The following CHD7 variants were observed in gnomAD, a reference collection of about 807,000 sequenced individuals.
The protein encoded by CHD7 is chromodomain helicase DNA binding protein 7, also known as ATP-dependent chromatin remodeler CHD7.
CHD7 carries 24 observed loss-of-function variants against 307.3 expected under a neutral mutation model. That is an observed-to-expected ratio of 0.08 (90% CI 0.06 to 0.11). The LOEUF (loss-of-function observed/expected upper bound fraction) is 0.11, where lower values mean the gene tolerates loss of function less well. Among genes scored for constraint, CHD7 ranks in the 10% least tolerant of loss-of-function variants. CHD7 has a pLI of 1.00. For synonymous variants in CHD7, 1,363 were observed against 1,349.9 expected, an observed-to-expected ratio of 1.01 and a Z score of -0.21; for missense variants, 3,106 against 3,727.1, an observed-to-expected ratio of 0.83 and a Z score of 4.34.
At chr8:60,835,355 A>G (rs937119321) in intron 15 of CHD7, among the ~76,000 whole-genome samples, 8 of 152,224 alleles carry the variant, frequency 5.3e-5, no homozygotes, top group African/African-American at 1.9e-4. Flanking sequence ...GGGTTTAAGC[A>G]TAGAAGTCTT....
chr8:60,812,049 C>A (rs1812834331), intron 7 of CHD7, among the ~76,000 whole-genome samples: 1 of 152,078 alleles, frequency 6.6e-6, no homozygotes, highest in African/African-American at 2.4e-5. Flanking sequence ...GATATTAGTT[C>A]TTTATCTTGG....
In CHD7 at chr8:60,789,311, C is replaced by G. The variant is rs539748557; in HGVS notation, c.2097-5675C>G. Among the ~76,000 whole-genome samples, 3 of 152,352 alleles carry G rather than the reference C, an allele frequency of 2.0e-5. No individual in the cohort carries two copies. The South Asian group carries it at 6.2e-4, about 32-fold the overall frequency. On this transcript the variant is annotated intron_variant, in intron 3 of 37. Transcript: ENST00000423902. ...TCATTTCTTTATTCAGAAGTCTTTT[C>G]AGGATATAAAGTGTAAGAATATGCT...
intron 3 of CHD7, 71 bp downstream of exon 3, chr8:60,781,501 C>A: frequency 6.9e-7 from 1 of 1,452,808 alleles, no homozygotes; most frequent in Non-Finnish European, 9.1e-7. Flanking sequence ...TAGTTACAGC[C>A]TATGAAATGA....
At position 60,769,696 on chromosome 8, in the gene CHD7, C is replaced by T. The variant is rs536845080; in HGVS notation, c.1666-11304C>T. Among the ~76,000 whole-genome samples, 3 of 152,192 alleles carry T rather than the reference C, an allele frequency of 2.0e-5. No individual in the cohort carries two copies. The South Asian group carries it at 6.2e-4, about 32-fold the overall frequency. On this transcript the variant is annotated intron_variant, in intron 2 of 37. Transcript: ENST00000423902. ...TTTTAACTACATTTAATTGACGGAACGATGGTGAATTTTTACTAGTCTCTT... is the reference window on the plus strand; with the variant it reads ...TTTTAACTACATTTAATTGACGGAATGATGGTGAATTTTTACTAGTCTCTT...
At chr8:60,790,256 A>G (rs544693393) in intron 3 of CHD7, among the ~76,000 whole-genome samples, 8 of 152,020 alleles carry the variant, frequency 5.3e-5, no homozygotes, top group African/African-American at 1.9e-4. Flanking sequence ...GTGTCTCTTT[A>G]GCCTCACAAG....
At position 60,736,693 on chromosome 8, in the gene CHD7, A is replaced by G. The variant is rs143736282; in HGVS notation, c.-174-4566A>G. Among the ~76,000 whole-genome samples the G allele has an allele frequency of 2.6e-4, 39 of 152,332 alleles. No homozygotes were observed. In the East Asian group the frequency reaches 3.9e-3, roughly 15 times the overall value. On this transcript the variant is annotated intron_variant, in intron 1 of 37. Coordinates refer to ENST00000423902, the MANE Select transcript of CHD7 (RefSeq NM_017780.4). ...TCAGTATCCAATAGGCAAATGTCCT[A>G]TGATTTCACTCTTGCCCACGTGTTG...
At position 60,838,394 on chromosome 8, in the gene CHD7, C is replaced by T. The variant is rs1804832224; in HGVS notation, c.4533+139C>T. The T allele has an allele frequency of 1.3e-5, 10 of 758,530 alleles. No homozygotes were observed. The South Asian group carries it at 1.5e-4, about 11-fold the overall frequency. The allele number at this position is 758,530 out of a possible 1,614,324, so 47.0% of individuals were successfully genotyped here. A position where few individuals can be genotyped will look rare whatever the true frequency, so the allele number is the denominator to read the frequency against. The stretch of plus-strand genomic sequence containing the variant: ...TTAACTCCCTGTGGAACCCCTGGCA[C>T]ATGAAGCTTTCTTTATGCTTTGGTT... On this transcript the variant is annotated intron_variant, in intron 19 of 37. Transcript: ENST00000423902.
chr8:60,812,447 G>A (rs1012761184), intron 7 of CHD7, among the ~76,000 whole-genome samples: 5 of 151,724 alleles, frequency 3.3e-5, no homozygotes, highest in Non-Finnish European at 5.9e-5. Flanking sequence ...GGCTGATCAC[G>A]AGGTCAGGAG....
chr8:60,809,982 CCCTCTT>C (rs1812721535), intron 7 of CHD7, among the ~76,000 whole-genome samples: 1 of 152,136 alleles, frequency 6.6e-6, no homozygotes, highest in Non-Finnish European at 1.5e-5. Flanking sequence ...AAGAGCTTTA[CCCTCTT>C]GTCTATTTGT....
At chr8:60,722,182 G>A (rs928470953) in intron 1 of CHD7, among the ~76,000 whole-genome samples, 1 of 152,134 alleles carries the variant, frequency 6.6e-6, no homozygotes, top group East Asian at 1.9e-4. Flanking sequence ...TAAAAGCCAG[G>A]CAGTTTAGCT....
intron 15 of CHD7, among the ~76,000 whole-genome samples, chr8:60,835,745 G>A (rs1455170858): frequency 6.6e-6 from 1 of 152,158 alleles, no homozygotes; most frequent in African/African-American, 2.4e-5. Flanking sequence ...TTTTCTGTAG[G>A]TATCTGGCCC....
chr8:60,780,559 CAGT>C (rs888858986), intron 2 of CHD7, among the ~76,000 whole-genome samples: 1 of 152,208 alleles, frequency 6.6e-6, no homozygotes, highest in African/African-American at 2.4e-5. Context: ...TTGCAATGTT[CAGT>C]ATACTTGCTC....
chr8:60,706,370 T>A (rs1171458891), intron 1 of CHD7, among the ~76,000 whole-genome samples: 1 of 152,230 alleles, frequency 6.6e-6, no homozygotes, highest in Non-Finnish European at 1.5e-5. Context: ...GTTGATAAAA[T>A]AGCGAGTTTT....
intron 5 of CHD7, among the ~76,000 whole-genome samples, chr8:60,800,848 G>A (rs1812276881): frequency 6.6e-6 from 1 of 152,048 alleles, no homozygotes; most frequent in African/African-American, 2.4e-5. Flanking sequence ...GTGGCTTCTG[G>A]GACTTTAATA....
At position 60,856,558 on chromosome 8, in the gene CHD7, G is replaced by T; in HGVS notation, c.7278G>T (p.Gln2426His). The T allele has an allele frequency of 1.2e-6, 2 of 1,614,028 alleles. No individual in the cohort carries two copies. The stretch of plus-strand genomic sequence containing the variant: ...GAAATCTCATGGAGATGGTTGCCCA[G>T]CTTCGAGAGTCTCAGGTGGTCTCAG... ...KRRNLMEMVA[Q>H]LRESQVVSEN... is the part of the protein sequence containing the mutation. The change falls in exon 34 of 38, where the codon CAG (glutamine) becomes CAT (histidine). Residue 2426 changes from glutamine to histidine, a missense_variant. Gln to His is a conservative substitution (Grantham distance 24, BLOSUM62 0). Coordinates refer to ENST00000423902, the MANE Select transcript of CHD7 (RefSeq NM_017780.4).
intron 2 of CHD7, among the ~76,000 whole-genome samples, chr8:60,762,929 T>G (rs993916110): frequency 6.6e-6 from 1 of 151,104 alleles, no homozygotes; most frequent in Non-Finnish European, 1.5e-5. Context: ...CTATACCTGA[T>G]GGCTGGAAGC....
At chr8:60,767,545 C>T (rs528544280) in intron 2 of CHD7, among the ~76,000 whole-genome samples, 36 of 152,180 alleles carry the variant, frequency 2.4e-4, no homozygotes, top group African/African-American at 5.3e-4. Context: ...CAGTGGCTGC[C>T]GAAGCTCATG....
intron 7 of CHD7, among the ~76,000 whole-genome samples, chr8:60,815,183 G>A (rs1257353869): frequency 6.6e-6 from 1 of 151,994 alleles, no homozygotes; most frequent in African/African-American, 2.4e-5. Context: ...TCCTATCTTT[G>A]CAAATCATAT....
intron 1 of CHD7, among the ~76,000 whole-genome samples, chr8:60,740,718 G>A (rs1417171871): frequency 6.6e-6 from 1 of 152,182 alleles, no homozygotes; most frequent in Non-Finnish European, 1.5e-5. Context: ...TATCTAATTT[G>A]TATGAAATGA....
Sources: allele counts gnomAD v4.1 joint callset (sites outside exome capture counted in the v4.1 genomes callset), GRCh38; gene constraint gnomAD v4.1.1; transcripts MANE v1.5; gene names NCBI Gene and HGNC (gene_info 2026-07-23, HGNC 2026-07-21).